The following SLC25A34 variants were observed in gnomAD, a reference collection of about 807,000 sequenced individuals.
SLC25A34 encodes the protein solute carrier family 25, member 34.
SLC25A34 carries 26 observed loss-of-function variants against 28.1 expected under a neutral mutation model. That is an observed-to-expected ratio of 0.93 (90% CI 0.68 to 1.28). SLC25A34 has a LOEUF of 1.28. Among genes scored for constraint, SLC25A34 ranks in the 50% most tolerant of loss-of-function variants. The probability of loss-of-function intolerance (pLI) is 0.00; values close to 1 mark genes in which losing one functional copy is unlikely to be tolerated. For synonymous variants in SLC25A34, 182 were observed against 182.2 expected (o/e 1.00, Z 0.01); for missense variants, 384 against 409.8 (o/e 0.94, Z 0.54).
rs752336400 is a variant in SLC25A34 at position 15,739,205 on chromosome 1, AC to A, written c.733-15del. 1 of 1,608,030 alleles carries A rather than the reference AC, an allele frequency of 6.2e-7. No individual in the cohort carries two copies. Among genetic ancestry groups the A allele is most frequent in the Admixed American group, 1.7e-5 (1 of 59,118 alleles). ...CCTCAAGGCCCCTGTAGTAACACTC[AC>A]CCCATGTCTTTCCCCAGGGCCAGCT... On this transcript the variant is annotated intron_variant, in intron 4 of 4. Coordinates refer to ENST00000294454, the MANE Select transcript of SLC25A34 (RefSeq NM_207348.3).
chr1:15,736,579 ACG>A lies in SLC25A34; in HGVS notation c.97_98del (p.Arg33AlafsTer170), dbSNP rs2068225091. On this transcript the variant is annotated frameshift_variant, in exon 1 of 5. Coordinates refer to ENST00000294454, the MANE Select transcript of SLC25A34 (RefSeq NM_207348.3). LOFTEE classifies it high-confidence loss of function. ...CACCAACCCCCTGGAGGTGGTGAAG[ACG>A]CGGCTGCAGCTGCAGGGGGAGCTGC... ...VFTNPLEVVKTRLQLQGELQA... is the reference protein window; with the variant it reads ...VFTNPLEVVKXRLQLQGELQA... 3.3e-6 allele frequency: 5 copies of A among 1,507,950 alleles called. No homozygotes were observed. Among genetic ancestry groups the A allele is most frequent in the Non-Finnish European group, 3.5e-6 (4 of 1,127,878 alleles). The allele number at this position is 1,507,950 out of a possible 1,614,324, so 93.4% of individuals were successfully genotyped here.
At position 15,736,677 on chromosome 1, in the gene SLC25A34, C is replaced by T. The variant is rs761152155; in HGVS notation, c.192C>T (p.Asp64=). ...CTGTCGCTGCTGTGGCCCGAGCAGA[C>T]GGGCTGTGGGGCCTGCAGAAGGGGC... ...IASVAAVARA[D]GLWGLQKGLA... Residue 64 remains aspartate (D), a synonymous_variant, in exon 1 of 5, where the codon GAC becomes GAT. Coordinates refer to ENST00000294454, the MANE Select transcript of SLC25A34 (RefSeq NM_207348.3). 1.6e-5 allele frequency: 26 copies of T among 1,605,608 alleles called. No individual in the cohort carries two copies. Among genetic ancestry groups the T allele is most frequent in the Admixed American group, 6.8e-5 (4 of 58,572 alleles).
At chr1:15,738,510 C>T in intron 3 of SLC25A34, 84 bp from the exon 4 acceptor site, 2 of 1,533,040 alleles carry the variant, frequency 1.3e-6, no homozygotes, top group Non-Finnish European at 1.8e-6. Flanking sequence ...CCCTTTTAGC[C>T]CCTGTGTGGT....
rs777590838 is a variant in SLC25A34 at position 15,736,649 on chromosome 1, C to A, written c.164C>A (p.Ala55Asp). ...CCACGGCCCTACCATGGCTTCATAG[C>A]CTCTGTCGCTGCTGTGGCCCGAGCA... The part of the protein sequence containing the change: ...TYPRPYHGFI[A>D]SVAAVARADG... The change falls in exon 1 of 5, where the codon GCC becomes GAC. Residue 55 changes from alanine (A) to aspartate (D), a missense_variant. Transcript: ENST00000294454. 2 of 1,593,794 alleles carry A rather than the reference C, an allele frequency of 1.3e-6. No individual in the cohort carries two copies. Among genetic ancestry groups the A allele is most frequent in the Non-Finnish European group, 1.7e-6 (2 of 1,171,394 alleles).
chr1:15,736,608 G>T lies in SLC25A34; in HGVS notation c.123G>T (p.Gln41His). 6.4e-7 allele frequency: 1 copy of T among 1,558,076 alleles called. No individual in the cohort carries two copies. Among genetic ancestry groups the T allele is most frequent in the Non-Finnish European group, 8.7e-7 (1 of 1,152,402 alleles). ...KTRLQLQGEL[Q>H]ARGTYPRPYH... Reference sequence around the variant, plus strand: ...GGCTGCAGCTGCAGGGGGAGCTGCAGGCCCGGGGCACCTACCCACGGCCCT... The same window carrying T: ...GGCTGCAGCTGCAGGGGGAGCTGCATGCCCGGGGCACCTACCCACGGCCCT... Residue 41 changes from glutamine (Q) to histidine (H), a missense_variant, in exon 1 of 5, where the codon CAG becomes CAT. Coordinates refer to ENST00000294454, the MANE Select transcript of SLC25A34 (RefSeq NM_207348.3).
In SLC25A34 at chr1:15,736,382, C is replaced by T; in HGVS notation, c.-104C>T. The T allele has an allele frequency of 7.8e-7, 1 of 1,282,678 alleles. No individual in the cohort carries two copies. Among genetic ancestry groups the T allele is most frequent in the Non-Finnish European group, 1.0e-6 (1 of 1,002,786 alleles). The allele number at this position is 1,282,678 out of a possible 1,614,324, so 79.5% of individuals were successfully genotyped here. A position where few individuals can be genotyped will look rare whatever the true frequency, so the allele number is the denominator to read the frequency against. On this transcript the variant is annotated 5_prime_UTR_variant, in exon 1 of 5. Transcript: ENST00000294454. Reference sequence around the variant, plus strand: ...ACATGGCCTCGGTCCCCTGCAAACCCCAGCCCCGTAGCCCTGCGAGGTTAC... The same window carrying T: ...ACATGGCCTCGGTCCCCTGCAAACCTCAGCCCCGTAGCCCTGCGAGGTTAC...
rs1266420668 is a variant in SLC25A34 at position 15,739,281 on chromosome 1, C to A, written c.790C>A (p.Pro264Thr). Residue 264 changes from proline (P) to threonine (T), a missense_variant, in exon 5 of 5, where the codon CCC (proline) becomes ACC (threonine). Coordinates refer to ENST00000294454, the MANE Select transcript of SLC25A34 (RefSeq NM_207348.3). The part of the protein sequence containing the change: ...CMVKIWRQEG[P>T]LALYKGLGPA... Reference sequence around the variant, plus strand: ...GGTGAAGATCTGGCGGCAGGAGGGCCCCCTGGCACTCTACAAGGGCCTGGG... The same window carrying A: ...GGTGAAGATCTGGCGGCAGGAGGGCACCCTGGCACTCTACAAGGGCCTGGG... 6.2e-7 allele frequency: 1 copy of A among 1,612,086 alleles called. No homozygotes were observed. The highest frequency in any genetic ancestry group is 8.5e-7 in the Non-Finnish European group (1 of 1,179,402).
At chr1:15,736,939 A>T in intron 1 of SLC25A34, 76 bp downstream of exon 1, 1 of 1,409,910 alleles carries the variant, frequency 7.1e-7, no homozygotes. Flanking sequence ...CAGCCTCCAA[A>T]GGCAGGGCTC....
intron 4 of SLC25A34, 38 bp downstream of exon 4, chr1:15,738,766 T>C: frequency 2.0e-6 from 3 of 1,487,202 alleles, no homozygotes; most frequent in Non-Finnish European, 2.7e-6. Context: ...CGTGGGGAGC[T>C]GGGAGCACCC....
chr1:15,739,697 C>T lies in SLC25A34; in HGVS notation c.*291C>T, dbSNP rs1400339853. On this transcript the variant is annotated 3_prime_UTR_variant, in exon 5 of 5. Transcript: ENST00000294454. ...GCTCAGTTATAGCAACTGCTGCGGG[C>T]GTGCACATGGCATAGGCCCAGTAAC... The T allele has an allele frequency of 3.3e-5, 10 of 305,922 alleles. No homozygotes were observed. The highest frequency in any genetic ancestry group is 5.2e-5 in the East Asian group (1 of 19,258). The allele number at this position is 305,922 out of a possible 1,614,324, so 19.0% of individuals were successfully genotyped here.
rs927746505 is a variant in SLC25A34 at position 15,736,880 on chromosome 1, C to A, written c.378+17C>A. ...GCTTACCTGGTGAGTGGCTTGTCTC[C>A]ATCGTCCACCCTCCACCATCCCATG... On this transcript the variant is annotated intron_variant, in intron 1 of 4. Coordinates refer to ENST00000294454, the MANE Select transcript of SLC25A34 (RefSeq NM_207348.3). The A allele has an allele frequency of 6.6e-7, 1 of 1,510,802 alleles. No homozygotes were observed. Among genetic ancestry groups the A allele is most frequent in the Non-Finnish European group, 8.8e-7 (1 of 1,132,716 alleles). 93.6% of individuals were successfully genotyped at this position (1,510,802 alleles called of 1,614,324 possible). A position where few individuals can be genotyped will look rare whatever the true frequency, so the allele number is the denominator to read the frequency against.
Position 15,739,480 on chromosome 1 carries a change from G to T in SLC25A34, c.*74G>T. The stretch of plus-strand genomic sequence containing the variant: ...AGTGAGAGCCTGCTCCAGGACAACT[G>T]GCTGTCCCGGGGCGGGCCATGGGCC... On this transcript the variant is annotated 3_prime_UTR_variant, in exon 5 of 5. Coordinates refer to ENST00000294454, the MANE Select transcript of SLC25A34 (RefSeq NM_207348.3). 6.8e-7 allele frequency: 1 copy of T among 1,465,164 alleles called. No individual in the cohort carries two copies. Among genetic ancestry groups the T allele is most frequent in the South Asian group, 1.4e-5 (1 of 69,752 alleles). 90.8% of individuals were successfully genotyped at this position (1,465,164 alleles called of 1,614,324 possible).
chr1:15,736,729 CT>C lies in SLC25A34; in HGVS notation c.245del (p.Leu82ProfsTer2), dbSNP rs1356071142. ...GGCTGCCGGCCTTCTGTACCAAGGCCTCATGAATGGCGTTCGTTTCTACTGC... is the reference window on the plus strand; with the variant it reads ...GGCTGCCGGCCTTCTGTACCAAGGCCCATGAATGGCGTTCGTTTCTACTGC... The part of the protein sequence containing the change: ...GLAAGLLYQG[L>X]MNGVRFYCYS... On this transcript the variant is annotated frameshift_variant, in exon 1 of 5. Coordinates refer to ENST00000294454, the MANE Select transcript of SLC25A34 (RefSeq NM_207348.3). LOFTEE classifies it high-confidence loss of function. 2 of 1,609,878 alleles carry C rather than the reference CT, an allele frequency of 1.2e-6. No individual in the cohort carries two copies. Among genetic ancestry groups the C allele is most frequent in the Non-Finnish European group, 1.7e-6 (2 of 1,179,678 alleles).
chr1:15,739,322 C>T lies in SLC25A34; in HGVS notation c.831C>T (p.Arg277=). The stretch of plus-strand genomic sequence containing the variant: ...AGGGCCTGGGCCCCGCCTACCTGCG[C>T]CTGGGCCCCCACACCATCCTCAGCA... The part of the protein sequence containing the change: ...LYKGLGPAYL[R]LGPHTILSML... The change falls in exon 5 of 5, where the codon CGC becomes CGT. Residue 277 remains arginine (R), a synonymous_variant. Transcript: ENST00000294454. The T allele has an allele frequency of 6.2e-7, 1 of 1,610,674 alleles. No homozygotes were observed. The highest frequency in any genetic ancestry group is 1.7e-5 in the Admixed American group (1 of 59,570).
chr1:15,737,622 C>T (rs932091923), intron 1 of SLC25A34, among the ~76,000 whole-genome samples: 6 of 151,940 alleles, frequency 3.9e-5, no homozygotes, highest in African/African-American at 1.2e-4. Flanking sequence ...AGCAAAGGCT[C>T]GCCTTGCCCT....
At chr1:15,738,826 A>G (rs1267703298) in intron 4 of SLC25A34, 98 bp downstream of exon 4, 68 of 1,369,484 alleles carry the variant, frequency 5.0e-5, no homozygotes, top group Non-Finnish European at 5.5e-5. Flanking sequence ...ACACTCACAC[A>G]TGCACAGCCA....
chr1:15,736,529 C>T lies in SLC25A34; in HGVS notation c.44C>T (p.Ser15Phe). The part of the protein sequence containing the change: ...PPAVDLVLGA[S>F]ACCLACVFTN... ...GCAGTGGACCTGGTGCTGGGTGCTT[C>T]TGCCTGCTGCCTGGCCTGTGTCTTC... The change falls in exon 1 of 5, where the codon TCT becomes TTT. Residue 15 changes from serine to phenylalanine, a missense_variant. Transcript: ENST00000294454. 1 of 1,449,540 alleles carries T rather than the reference C, an allele frequency of 6.9e-7. No homozygotes were observed. Among genetic ancestry groups the T allele is most frequent in the Non-Finnish European group, 9.1e-7 (1 of 1,101,174 alleles). 89.8% of individuals were successfully genotyped at this position (1,449,540 alleles called of 1,614,324 possible). A position where few individuals can be genotyped will look rare whatever the true frequency, so the allele number is the denominator to read the frequency against.
In SLC25A34 at chr1:15,738,263, C is replaced by G. The variant is rs1361725237; in HGVS notation, c.597+18C>G. Reference sequence around the variant, plus strand: ...AGCAACAGGTGAGGAGCTGGGGACACCTGTGCCTATCCACAGAGACACACC... The same window carrying G: ...AGCAACAGGTGAGGAGCTGGGGACAGCTGTGCCTATCCACAGAGACACACC... On this transcript the variant is annotated intron_variant, in intron 3 of 4. Transcript: ENST00000294454. The G allele has an allele frequency of 1.3e-6, 2 of 1,579,946 alleles. No homozygotes were observed. Among genetic ancestry groups the G allele is most frequent in the Non-Finnish European group, 1.7e-6 (2 of 1,164,714 alleles).
chr1:15,737,985 C>G lies in SLC25A34; in HGVS notation c.435C>G (p.His145Gln). Residue 145 changes from histidine (H) to glutamine (Q), a missense_variant, in exon 2 of 5, where the codon CAC becomes CAG. His to Gln is a conservative substitution (Grantham distance 24). Coordinates refer to ENST00000294454, the MANE Select transcript of SLC25A34 (RefSeq NM_207348.3). Reference protein sequence around the residue: ...TVAAVAVGHQHNHQTVLGALE... With the variant: ...TVAAVAVGHQQNHQTVLGALE... ...CCGCAGTGGCCGTGGGACACCAGCA[C>G]AATCACCAGGTGAGGCCTGCCACTC... is the stretch of plus-strand genomic sequence containing the variant. 6.2e-7 allele frequency: 1 copy of G among 1,613,666 alleles called. No homozygotes were observed. Among genetic ancestry groups the G allele is most frequent in the Non-Finnish European group, 8.5e-7 (1 of 1,180,018 alleles).
Sources: gnomAD v4.1 joint callset for allele counts (sites outside exome capture counted in the v4.1 genomes callset) on GRCh38, gnomAD v4.1.1 for gene constraint, MANE v1.5 for transcripts, NCBI Gene and HGNC (gene_info 2026-07-23, HGNC 2026-07-21) for gene names.